The following HCN1 variants were observed in gnomAD, a reference collection of about 807,000 sequenced individuals.
HCN1 encodes the protein potassium/sodium hyperpolarization-activated cyclic nucleotide-gated channel 1.
Under a neutral mutation model 78.9 loss-of-function variants are expected in HCN1, and 13 were observed. The observed-to-expected ratio is 0.16, with a 90% CI of 0.11 to 0.26. The LOEUF (loss-of-function observed/expected upper bound fraction) is 0.26, where lower values mean the gene tolerates loss of function less well. Among genes scored for constraint, HCN1 ranks in the 10% least tolerant of loss-of-function variants. HCN1 has a pLI of 1.00. For synonymous variants in HCN1, 552 were observed against 455.5 expected, an observed-to-expected ratio of 1.21 and a Z score of -2.70; for missense variants, 810 against 1,154.3, an observed-to-expected ratio of 0.70 and a Z score of 4.32.
chr5:45,419,716 A>C (rs1740189706), intron 3 of HCN1, among the ~76,000 whole-genome samples: 1 of 152,184 alleles, frequency 6.6e-6, no homozygotes, highest in Non-Finnish European at 1.5e-5. Flanking sequence ...CCCGCTTTGA[A>C]GACAGTGAGC....
chr5:45,670,961 A>G (rs1158009884), intron 1 of HCN1, among the ~76,000 whole-genome samples: 1 of 151,764 alleles, frequency 6.6e-6, no homozygotes, highest in Non-Finnish European at 1.5e-5. Flanking sequence ...TATGAATAAC[A>G]GAAAAAAGGA....
At chr5:45,350,910 T>C (rs921928118) in intron 5 of HCN1, among the ~76,000 whole-genome samples, 8 of 152,196 alleles carry the variant, frequency 5.3e-5, no homozygotes, top group African/African-American at 1.9e-4. Flanking sequence ...TTCATGCTCA[T>C]GGGTAGGAAG....
At chr5:45,649,512 C>A (rs1745636203) in intron 1 of HCN1, among the ~76,000 whole-genome samples, 1 of 152,012 alleles carries the variant, frequency 6.6e-6, no homozygotes, top group Non-Finnish European at 1.5e-5. Context: ...TGTATATACA[C>A]CAGTAGTTTC....
chr5:45,454,601 A>G (rs916610461), intron 3 of HCN1, among the ~76,000 whole-genome samples: 10 of 152,094 alleles, frequency 6.6e-5, no homozygotes, highest in African/African-American at 2.4e-4. Context: ...TTCAAATCTA[A>G]AATAGATTAC....
intron 3 of HCN1, among the ~76,000 whole-genome samples, chr5:45,418,337 A>C (rs1354075422): frequency 1.3e-5 from 2 of 151,062 alleles, no homozygotes; most frequent in Admixed American, 1.3e-4. Flanking sequence ...TACATTATAC[A>C]TGCTTCTATT....
chr5:45,667,843 A>T (rs1298987291), intron 1 of HCN1, among the ~76,000 whole-genome samples: 1 of 151,960 alleles, frequency 6.6e-6, no homozygotes, highest in African/African-American at 2.4e-5. Flanking sequence ...AACAACTCCT[A>T]TTCATAAAGT....
At chr5:45,302,246 G>A (rs1680859728) in intron 6 of HCN1, among the ~76,000 whole-genome samples, 3 of 151,114 alleles carry the variant, frequency 2.0e-5, no homozygotes, top group African/African-American at 7.4e-5. Flanking sequence ...TCTCATGGTG[G>A]TGAGGGAGTT....
At chr5:45,322,770 A>T (rs1455455205) in intron 5 of HCN1, among the ~76,000 whole-genome samples, 1 of 151,834 alleles carries the variant, frequency 6.6e-6, no homozygotes, top group East Asian at 1.9e-4. Flanking sequence ...TTGGATTTTC[A>T]GATTAGGAAT....
chr5:45,383,180 A>T (rs1282747524), intron 4 of HCN1, among the ~76,000 whole-genome samples: 1 of 152,190 alleles, frequency 6.6e-6, no homozygotes, highest in East Asian at 1.9e-4. Context: ...GCTATCGTCT[A>T]TGCATTTTCT....
Position 45,306,646 on chromosome 5 carries a change from T to C in HCN1, c.1378-2807A>G, listed in dbSNP as rs551518027. Among the ~76,000 whole-genome samples, 28 of 152,234 alleles carry C rather than the reference T, an allele frequency of 1.8e-4. 1 individual carries two copies. The highest frequency in any genetic ancestry group is 6.3e-4 in the African/African-American group (26 of 41,570). On this transcript the variant is annotated intron_variant, in intron 5 of 7. Coordinates refer to ENST00000303230, the MANE Select transcript of HCN1 (RefSeq NM_021072.4). Reference sequence around the variant, plus strand: ...ATGTCTAGTATAGTAGAAACAATCATGTAAGTATAGAATGAAGCAAAACTT... The same window carrying C: ...ATGTCTAGTATAGTAGAAACAATCACGTAAGTATAGAATGAAGCAAAACTT...
chr5:45,304,579 G>A (rs958148887), intron 5 of HCN1, among the ~76,000 whole-genome samples: 2 of 152,076 alleles, frequency 1.3e-5, no homozygotes, highest in Non-Finnish European at 2.9e-5. Flanking sequence ...GGGAGGCTGA[G>A]GCAGAGAATT....
At chr5:45,496,055 A>C (rs1742020036) in intron 2 of HCN1, among the ~76,000 whole-genome samples, 1 of 152,096 alleles carries the variant, frequency 6.6e-6, no homozygotes, top group Non-Finnish European at 1.5e-5. Context: ...TATTGGTCTA[A>C]AATTCTCTTT....
chr5:45,356,855 T>C (rs1201729135), intron 4 of HCN1, among the ~76,000 whole-genome samples: 1 of 152,064 alleles, frequency 6.6e-6, no homozygotes, highest in African/African-American at 2.4e-5. Context: ...AAACTCATAG[T>C]GTTAACATTA....
intron 1 of HCN1, among the ~76,000 whole-genome samples, chr5:45,674,717 A>G (rs971127178): frequency 1.3e-5 from 2 of 151,740 alleles, no homozygotes; most frequent in East Asian, 3.9e-4. Context: ...AATACATTTT[A>G]GAGTACAATA....
chr5:45,619,434 C>A (rs183353881), intron 2 of HCN1, among the ~76,000 whole-genome samples: 3 of 152,102 alleles, frequency 2.0e-5, no homozygotes, highest in Admixed American at 2.0e-4. Context: ...AAAAAATATA[C>A]GGTATCCTAA....
At chr5:45,380,595 T>C in intron 4 of HCN1, among the ~76,000 whole-genome samples, 1 of 152,116 alleles carries the variant, frequency 6.6e-6, no homozygotes, top group Non-Finnish European at 1.5e-5. Flanking sequence ...GTAAAAATGA[T>C]ATATTTTATG....
chr5:45,503,750 TC>T (rs933174395), intron 2 of HCN1, among the ~76,000 whole-genome samples: 6 of 151,160 alleles, frequency 4.0e-5, no homozygotes, highest in South Asian at 2.1e-4. Context: ...AAATTATTAT[TC>T]CCCCCTCCCC....
intron 4 of HCN1, among the ~76,000 whole-genome samples, chr5:45,376,928 G>T (rs946848267): frequency 3.9e-5 from 6 of 151,954 alleles, no homozygotes; most frequent in African/African-American, 1.2e-4. Context: ...AGAACCACTG[G>T]TCTAGAATAA....
In HCN1 at chr5:45,273,990, TTAAA is replaced by T. The variant is rs555157819; in HGVS notation, c.1619-6741_1619-6738del. ...AAGAAGTTTAGACTAGGAAAGAACA[TTAAA>T]TAGGTGCAAATTTTTTAGTATTTGA... On this transcript the variant is annotated intron_variant, in intron 6 of 7. Coordinates refer to ENST00000303230, the MANE Select transcript of HCN1 (RefSeq NM_021072.4). Among the ~76,000 whole-genome samples the T allele has an allele frequency of 1.8e-3, 281 of 152,260 alleles. 2 individuals carry two copies. The highest frequency in any genetic ancestry group is 2.6e-3 in the Non-Finnish European group (175 of 68,004).
Sources: gnomAD v4.1 joint callset for allele counts (sites outside exome capture counted in the v4.1 genomes callset) on GRCh38, gnomAD v4.1.1 for gene constraint, MANE v1.5 for transcripts, NCBI Gene and HGNC (gene_info 2026-07-23, HGNC 2026-07-21) for gene names.